Variants in NCKAP5 observed in about 807,000 individuals in gnomAD.
NCKAP5 encodes the protein nck-associated protein 5.
In NCKAP5, 92 loss-of-function variants were observed where a neutral mutation model predicts 167.0. The ratio of observed to expected loss-of-function variants is 0.55; its 90% CI spans 0.47 to 0.66. NCKAP5 has a LOEUF of 0.66. NCKAP5 is among the 30% of genes least tolerant of loss of function. The pLI is 0.00. For synonymous variants in NCKAP5, 891 were observed against 877.4 expected (o/e 1.02, Z -0.27); for missense variants, 2,378 against 2,315.0 (o/e 1.03, Z -0.56).
intron 11 of NCKAP5, among the ~76,000 whole-genome samples, chr2:132,822,908 T>C (rs1046384469): frequency 6.6e-6 from 1 of 152,070 alleles, no homozygotes; most frequent in South Asian, 2.1e-4. Context: ...AAATGCAACA[T>C]GCAGGGAGAG....
At chr2:133,649,322 C>T in the NCKAP5 span, among the ~76,000 whole-genome samples, 1 of 151,170 alleles carries the variant, frequency 6.6e-6, no homozygotes, top group African/African-American at 2.4e-5. Context: ...GTATTAATTC[C>T]AAACTTTCTC....
chr2:132,895,098 A>G (rs138203528), intron 8 of NCKAP5, among the ~76,000 whole-genome samples: 1,768 of 152,090 alleles, frequency 0.012, 9 homozygotes, highest in African/African-American at 0.015. Context: ...TTGGGAGGCC[A>G]AGGCGGGCGG....
intron 3 of NCKAP5, among the ~76,000 whole-genome samples, chr2:133,490,835 C>T (rs1175198136): frequency 6.6e-6 from 1 of 152,198 alleles, no homozygotes; most frequent in Admixed American, 6.5e-5. Context: ...CATTTTTAGC[C>T]AAGTTTTCTT....
intron 19 of NCKAP5, among the ~76,000 whole-genome samples, chr2:132,716,159 G>A (rs778466380): frequency 1.1e-4 from 16 of 152,090 alleles, no homozygotes; most frequent in Admixed American, 5.2e-4. Flanking sequence ...CTGGTGAGAC[G>A]ATCCATTTTA....
chr2:133,377,963 G>T (rs183562945), intron 3 of NCKAP5, among the ~76,000 whole-genome samples: 2 of 152,302 alleles, frequency 1.3e-5, no homozygotes, highest in African/African-American at 4.8e-5. Flanking sequence ...CCAAACAGTG[G>T]CAGTCACAAG....
chr2:133,178,410 C>G (rs2084564993), intron 5 of NCKAP5, among the ~76,000 whole-genome samples: 1 of 144,388 alleles, frequency 6.9e-6, no homozygotes, highest in Non-Finnish European at 1.5e-5. Context: ...GAGGCTGAGG[C>G]TGGAGAATTG....
At chr2:133,314,324 T>C (rs1332748572) in intron 3 of NCKAP5, among the ~76,000 whole-genome samples, 1 of 152,148 alleles carries the variant, frequency 6.6e-6, no homozygotes, top group Non-Finnish European at 1.5e-5. Context: ...AACACATTTG[T>C]TTGCTGCTAC....
At chr2:132,925,074 C>T (rs1168379025) in intron 8 of NCKAP5, among the ~76,000 whole-genome samples, 1 of 151,872 alleles carries the variant, frequency 6.6e-6, no homozygotes, top group Non-Finnish European at 1.5e-5. Flanking sequence ...CAGTGGTCTT[C>T]AACATTTTTG....
At chr2:133,342,251 G>A (rs1385316252) in intron 3 of NCKAP5, among the ~76,000 whole-genome samples, 4 of 152,158 alleles carry the variant, frequency 2.6e-5, no homozygotes, top group African/African-American at 7.2e-5. Context: ...ATGGGGGAGG[G>A]GAGGGAACTA....
chr2:132,854,103 C>CA (rs1689282146), intron 11 of NCKAP5, among the ~76,000 whole-genome samples: 1 of 152,148 alleles, frequency 6.6e-6, no homozygotes, highest in South Asian at 2.1e-4. Flanking sequence ...ATTCAAAGGT[C>CA]AAAACAAGGT....
In NCKAP5 at chr2:133,166,982, G is replaced by C. The variant is rs147684823; in HGVS notation, c.208-36871C>G. Among the ~76,000 whole-genome samples the C allele has an allele frequency of 2.6e-5, 4 of 152,238 alleles. No individual in the cohort carries two copies. The East Asian group carries it at 7.7e-4, about 29-fold the overall frequency. ...TCTTAGAATTAAGTACCACTAACTTGAATCATAAGCAAATTAAACATTTCA... is the reference window on the plus strand; with the variant it reads ...TCTTAGAATTAAGTACCACTAACTTCAATCATAAGCAAATTAAACATTTCA... On this transcript the variant is annotated intron_variant, in intron 5 of 19. Coordinates refer to ENST00000409261, the MANE Select transcript of NCKAP5 (RefSeq NM_207363.3).
chr2:132,770,601 G>A (rs1001595705), intron 16 of NCKAP5, among the ~76,000 whole-genome samples: 1 of 151,924 alleles, frequency 6.6e-6, no homozygotes, highest in Admixed American at 6.6e-5. Flanking sequence ...TGAACACCAA[G>A]TCAATTATCT....
At chr2:132,855,519 A>G (rs1279619217) in intron 11 of NCKAP5, among the ~76,000 whole-genome samples, 1 of 152,246 alleles carries the variant, frequency 6.6e-6, no homozygotes, top group African/African-American at 2.4e-5. Flanking sequence ...GAGTTCATCC[A>G]TTCCAGAAAC....
In NCKAP5 at chr2:133,356,740, T is replaced by TA. The variant is rs573915633; in HGVS notation, c.70-53631dup. Among the ~76,000 whole-genome samples the TA allele has an allele frequency of 1.9e-3, 282 of 152,330 alleles. 1 individual carries two copies. The highest frequency in any genetic ancestry group is 6.5e-3 in the African/African-American group (272 of 41,588). On this transcript the variant is annotated intron_variant, in intron 3 of 19. Transcript: ENST00000409261. The stretch of plus-strand genomic sequence containing the variant: ...CACTCAGGAGTTAAAGCTAAATACT[T>TA]ACACTTTTTGAGAAATACCTAAAAT...
intron 3 of NCKAP5, among the ~76,000 whole-genome samples, chr2:133,386,680 T>G (rs1686993630): frequency 6.6e-6 from 1 of 152,150 alleles, no homozygotes; most frequent in Admixed American, 6.5e-5. Flanking sequence ...CGTGTGGGAG[T>G]CTAAGTCTCT....
intron 3 of NCKAP5, among the ~76,000 whole-genome samples, chr2:133,424,893 TA>T (rs1314893334): frequency 6.6e-6 from 1 of 152,124 alleles, no homozygotes; most frequent in Non-Finnish European, 1.5e-5. Context: ...CAGTCATAAA[TA>T]AAAAACAGTC....
chr2:133,354,254 C>CTTTTT lies in NCKAP5; in HGVS notation c.70-51149_70-51145dup, dbSNP rs57923596. Among the ~76,000 whole-genome samples the CTTTTT allele has an allele frequency of 5.5e-4, 79 of 142,820 alleles. 1 individual carries two copies. Among genetic ancestry groups the CTTTTT allele is most frequent in the Middle Eastern group, 7.3e-3 (2 of 274 alleles). 93.7% of individuals were successfully genotyped at this position (142,820 alleles called of 152,430 possible). A position where few individuals can be genotyped will look rare whatever the true frequency, so the allele number is the denominator to read the frequency against. ...TTCCTATCTCTGGTAGATTAGTTCT[C>CTTTTT]TTTTTTTTTTTTCCTTTTTCTTTCC... On this transcript the variant is annotated intron_variant, in intron 3 of 19. Coordinates refer to ENST00000409261, the MANE Select transcript of NCKAP5 (RefSeq NM_207363.3).
chr2:133,054,897 C>A (rs1338392331), intron 6 of NCKAP5, among the ~76,000 whole-genome samples: 1 of 152,122 alleles, frequency 6.6e-6, no homozygotes, highest in African/African-American at 2.4e-5. Flanking sequence ...ATTGCTCCAT[C>A]AAACAAAATG....
intron 5 of NCKAP5, among the ~76,000 whole-genome samples, chr2:133,146,485 AT>A: frequency 1.3e-5 from 2 of 152,226 alleles, no homozygotes; most frequent in Middle Eastern, 3.4e-3. Flanking sequence ...GAATCTTTTA[AT>A]CTGGGACTTT....
Sources: gnomAD v4.1 joint callset for allele counts (sites outside exome capture counted in the v4.1 genomes callset) on GRCh38, gnomAD v4.1.1 for gene constraint, MANE v1.5 for transcripts, NCBI Gene and HGNC (gene_info 2026-07-23, HGNC 2026-07-21) for gene names.